The following FBXL17 variants were observed in gnomAD, a reference collection of about 807,000 sequenced individuals.
FBXL17 encodes the protein F-box and leucine rich repeat protein 17, also known as F-box/LRR-repeat protein 17.
In FBXL17, 22 loss-of-function variants were observed where a neutral mutation model predicts 66.2. That is an observed-to-expected ratio of 0.33 (90% confidence interval 0.24 to 0.47). The LOEUF (loss-of-function observed/expected upper bound fraction) is 0.47, where lower values mean the gene tolerates loss of function less well. Among genes scored for constraint, FBXL17 ranks in the 20% least tolerant of loss-of-function variants. The pLI, the probability that FBXL17 is intolerant of heterozygous loss-of-function variation, is 1.00. For synonymous variants in FBXL17, 474 were observed against 400.5 expected (o/e 1.18, Z -2.19); for missense variants, 878 against 948.2 (o/e 0.93, Z 0.97).
chr5:108,004,576 C>G (rs545069089), intron 7 of FBXL17, among the ~76,000 whole-genome samples: 2 of 152,206 alleles, frequency 1.3e-5, no homozygotes, highest in East Asian at 3.9e-4. Flanking sequence ...GGAAAAAGTG[C>G]CATAGTTAAG....
Position 107,868,056 on chromosome 5 carries a change from A to G in FBXL17, c.1966-6196T>C, listed in dbSNP as rs1419322591. 2.0e-5 allele frequency among the ~76,000 whole-genome samples: 3 copies of G among 152,228 alleles called. No homozygotes were observed. The East Asian group carries it at 5.8e-4, about 29-fold the overall frequency. On this transcript the variant is annotated intron_variant, in intron 8 of 8. Coordinates refer to ENST00000542267, the MANE Select transcript of FBXL17 (RefSeq NM_001163315.3). ...GGACGGGGAAGACAGGAAAGGAATA[A>G]TATTCAGTGAACATCTATTATTTCC...
intron 7 of FBXL17, among the ~76,000 whole-genome samples, chr5:107,920,041 T>C (rs1002357266): frequency 3.3e-5 from 5 of 152,184 alleles, no homozygotes. Context: ...AGTTGCAAAA[T>C]GCATACTTAA....
chr5:108,355,441 C>T (rs561144592), intron 3 of FBXL17, among the ~76,000 whole-genome samples: 16 of 152,046 alleles, frequency 1.1e-4, no homozygotes, highest in African/African-American at 3.9e-4. Flanking sequence ...CGCCACCACA[C>T]CTGGCTAATT....
chr5:107,966,520 TCCACTAC>T (rs1752147509), intron 7 of FBXL17, among the ~76,000 whole-genome samples: 1 of 152,124 alleles, frequency 6.6e-6, no homozygotes, highest in Admixed American at 6.6e-5. Context: ...AATCCCTGTT[TCCACTAC>T]CCACACCTTC....
intron 7 of FBXL17, among the ~76,000 whole-genome samples, chr5:107,972,042 G>A (rs1247518060): frequency 6.6e-6 from 1 of 152,190 alleles, no homozygotes; most frequent in Non-Finnish European, 1.5e-5. Flanking sequence ...TGAGCATGTA[G>A]CACAGTGTTC....
intron 4 of FBXL17, among the ~76,000 whole-genome samples, chr5:108,292,708 T>G (rs1441118477): frequency 6.6e-6 from 1 of 152,248 alleles, no homozygotes; most frequent in Non-Finnish European, 1.5e-5. Context: ...GAACATCACA[T>G]TTTAATTCTC....
chr5:107,897,033 G>A (rs184824176), intron 7 of FBXL17, among the ~76,000 whole-genome samples: 10 of 152,074 alleles, frequency 6.6e-5, no homozygotes, highest in Non-Finnish European at 1.5e-4. Context: ...ATCTAAATAT[G>A]GTGAATTTAA....
intron 7 of FBXL17, among the ~76,000 whole-genome samples, chr5:107,916,947 G>A (rs1750152389): frequency 6.6e-6 from 1 of 152,204 alleles, no homozygotes. Context: ...GATCAAAGGT[G>A]TATCGCTAAG....
At position 108,055,280 on chromosome 5, in the gene FBXL17, GAAAAAAAAAAA is replaced by G. The variant is rs1000211060; in HGVS notation, c.1746-34290_1746-34280del. Among the ~76,000 whole-genome samples the G allele has an allele frequency of 2.9e-3, 68 of 23,704 alleles. 1 individual carries two copies. The highest frequency in any genetic ancestry group is 0.036 in the Middle Eastern group (1 of 28). The allele number at this position is 23,704 out of a possible 152,430, so 15.6% of individuals were successfully genotyped here. ...ATTTTTAAATGACATAGAATTTTTA[GAAAAAAAAAAA>G]AAAAAAAAAAAAAAAAAAAAAAGAA... On this transcript the variant is annotated intron_variant, in intron 6 of 8. Transcript: ENST00000542267.
chr5:108,341,929 T>G (rs1157823282), intron 4 of FBXL17, among the ~76,000 whole-genome samples: 1 of 152,186 alleles, frequency 6.6e-6, no homozygotes, highest in African/African-American at 2.4e-5. Flanking sequence ...TCACTTACTA[T>G]TTATAGGATT....
At chr5:108,240,998 C>T (rs4129424) in intron 4 of FBXL17, among the ~76,000 whole-genome samples, 30,782 of 152,076 alleles carry the variant, frequency 0.2, 3,561 homozygotes, top group African/African-American at 0.32. Flanking sequence ...GCAAGAGCCA[C>T]GGCATTGCTG....
chr5:108,068,874 C>A (rs1265006200), intron 6 of FBXL17, among the ~76,000 whole-genome samples: 1 of 152,118 alleles, frequency 6.6e-6, no homozygotes, highest in Admixed American at 6.6e-5. Flanking sequence ...AACACTGACA[C>A]AGTTTAAAAC....
chr5:108,120,668 C>T (rs984313082), intron 6 of FBXL17, among the ~76,000 whole-genome samples: 2 of 151,862 alleles, frequency 1.3e-5, no homozygotes, highest in Admixed American at 6.6e-5. Context: ...CTTATCTCTA[C>T]AAAAAAACAT....
At chr5:108,266,434 C>A (rs939609409) in intron 4 of FBXL17, among the ~76,000 whole-genome samples, 1 of 152,146 alleles carries the variant, frequency 6.6e-6, no homozygotes, top group Non-Finnish European at 1.5e-5. Context: ...AGCATATCCA[C>A]AAATGTCGAC....
At chr5:108,272,647 C>T (rs1757323466) in intron 4 of FBXL17, among the ~76,000 whole-genome samples, 1 of 152,156 alleles carries the variant, frequency 6.6e-6, no homozygotes, top group East Asian at 1.9e-4. Flanking sequence ...AGCTACCACA[C>T]CCGGCCATTA....
At chr5:108,077,491 C>T (rs1201397892) in intron 6 of FBXL17, among the ~76,000 whole-genome samples, 1 of 151,796 alleles carries the variant, frequency 6.6e-6, no homozygotes, top group Non-Finnish European at 1.5e-5. Flanking sequence ...AATGAAACCC[C>T]ATCTCTACAA....
At chr5:108,098,351 AGT>A (rs976422071) in intron 6 of FBXL17, among the ~76,000 whole-genome samples, 39 of 152,288 alleles carry the variant, frequency 2.6e-4, no homozygotes, top group Middle Eastern at 3.4e-3. Context: ...TGAGCCACAG[AGT>A]GAGACCCCGT....
intron 7 of FBXL17, among the ~76,000 whole-genome samples, chr5:107,953,038 T>C (rs1333212517): frequency 6.6e-6 from 1 of 152,128 alleles, no homozygotes; most frequent in Non-Finnish European, 1.5e-5. Context: ...TGGAGAACTC[T>C]GAAATGTTTA....
intron 6 of FBXL17, among the ~76,000 whole-genome samples, chr5:108,060,357 T>C (rs888541819): frequency 6.6e-6 from 1 of 152,208 alleles, no homozygotes; most frequent in Admixed American, 6.5e-5. Context: ...AGTGAGATTG[T>C]GTCACCATCC....
Sources: allele counts gnomAD v4.1 joint callset (sites outside exome capture counted in the v4.1 genomes callset), GRCh38; gene constraint gnomAD v4.1.1; transcripts MANE v1.5; gene names NCBI Gene and HGNC (gene_info 2026-07-23, HGNC 2026-07-21).